UBE2E2: variants seen among roughly 807,000 people sequenced by gnomAD.
UBE2E2 encodes the protein ubiquitin-conjugating enzyme E2 E2.
A neutral mutation model predicts 24.7 loss-of-function variants in UBE2E2; 6 were observed. The ratio of observed to expected loss-of-function variants is 0.24; its 90% CI spans 0.13 to 0.48. UBE2E2 has a LOEUF of 0.48. UBE2E2 is among the 20% of genes least tolerant of loss of function. The pLI is 0.99. For missense variants in UBE2E2, 169 were observed against 245.0 expected (o/e 0.69, Z 2.07); for synonymous variants, 104 against 83.6 (o/e 1.24, Z -1.33).
At chr3:23,547,104 T>G (rs1340898552) in intron 5 of UBE2E2, among the ~76,000 whole-genome samples, 5 of 152,346 alleles carry the variant, frequency 3.3e-5, no homozygotes, top group Admixed American at 1.3e-4. Flanking sequence ...TTGCTTATGG[T>G]AGGATCAAGG....
chr3:23,589,971 TC>T lies in UBE2E2; in HGVS notation c.*142del. The T allele has an allele frequency of 1.4e-6, 1 of 700,440 alleles. No homozygotes were observed. The highest frequency in any genetic ancestry group is 2.4e-6 in the Non-Finnish European group (1 of 425,088). 43.4% of individuals were successfully genotyped at this position (700,440 alleles called of 1,614,324 possible). On this transcript the variant is annotated 3_prime_UTR_variant, in exon 6 of 6. Coordinates refer to ENST00000396703, the MANE Select transcript of UBE2E2 (RefSeq NM_152653.4). The surrounding 1 kb of genome is among the most constrained non-coding windows in gnomAD (Gnocchi z 4.1). ...GGAACCATTTTGTGATGGTATGTTG[TC>T]CATCTTCCCATCCCAGTTCTTCCTG...
chr3:23,294,798 A>G (rs1027069960), intron 3 of UBE2E2, among the ~76,000 whole-genome samples: 1 of 149,684 alleles, frequency 6.7e-6, no homozygotes, highest in Non-Finnish European at 1.5e-5. Context: ...TCTTTAGATT[A>G]TTTGTATCTT....
At chr3:23,472,452 A>G (rs1485485558) in intron 3 of UBE2E2, among the ~76,000 whole-genome samples, 2 of 152,192 alleles carry the variant, frequency 1.3e-5, no homozygotes, top group African/African-American at 4.8e-5. Flanking sequence ...AATACAAGGT[A>G]CTTCCAAGCA....
At chr3:23,275,802 A>C (rs529091663) in intron 3 of UBE2E2, among the ~76,000 whole-genome samples, 2 of 152,094 alleles carry the variant, frequency 1.3e-5, no homozygotes, top group Admixed American at 6.5e-5. Flanking sequence ...AGAACACCCA[A>C]CTTTTTTTTT....
intron 3 of UBE2E2, among the ~76,000 whole-genome samples, chr3:23,375,475 AT>A (rs1696498419): frequency 6.6e-6 from 1 of 152,186 alleles, no homozygotes; most frequent in South Asian, 2.1e-4. Context: ...CAATGAATTT[AT>A]AATCTGGCGA....
chr3:23,229,127 A>C (rs1696907461), intron 3 of UBE2E2, among the ~76,000 whole-genome samples: 1 of 152,210 alleles, frequency 6.6e-6, no homozygotes, highest in Non-Finnish European at 1.5e-5. Flanking sequence ...GGTAGCATTC[A>C]GTTCAGTATA....
At chr3:23,321,336 G>T (rs573063499) in intron 3 of UBE2E2, among the ~76,000 whole-genome samples, 10 of 152,232 alleles carry the variant, frequency 6.6e-5, no homozygotes, top group Non-Finnish European at 1.5e-5. Context: ...GATCTACCCT[G>T]CAGAGCAGGA....
At chr3:23,382,995 A>G (rs760694420) in intron 3 of UBE2E2, among the ~76,000 whole-genome samples, 22 of 152,212 alleles carry the variant, frequency 1.4e-4, no homozygotes, top group Non-Finnish European at 3.1e-4. Context: ...ACTGAAGTCT[A>G]AGAAGAGTAG....
intron 3 of UBE2E2, among the ~76,000 whole-genome samples, chr3:23,368,670 T>A (rs1696322237): frequency 6.6e-6 from 1 of 152,226 alleles, no homozygotes; most frequent in South Asian, 2.1e-4. Flanking sequence ...TAAAAATTAT[T>A]TTTTCCTTTT....
intron 3 of UBE2E2, among the ~76,000 whole-genome samples, chr3:23,318,017 C>T (rs759172995): frequency 2.0e-5 from 3 of 151,882 alleles, no homozygotes; most frequent in Non-Finnish European, 4.4e-5. Context: ...TCTATTTGGC[C>T]ATCTTGTTCT....
chr3:23,386,093 A>G (rs1242326399), intron 3 of UBE2E2, among the ~76,000 whole-genome samples: 1 of 152,078 alleles, frequency 6.6e-6, no homozygotes, highest in Non-Finnish European at 1.5e-5. Context: ...ACTATTTCAT[A>G]TAAGTAGTTG....
chr3:23,371,725 A>G (rs1204709189), intron 3 of UBE2E2, among the ~76,000 whole-genome samples: 1 of 152,212 alleles, frequency 6.6e-6, no homozygotes, highest in Admixed American at 6.5e-5. Context: ...CTGAATAATA[A>G]TAGAGATAGT....
chr3:23,570,026 G>C (rs1696185962), intron 5 of UBE2E2, among the ~76,000 whole-genome samples: 1 of 152,054 alleles, frequency 6.6e-6, no homozygotes, highest in Non-Finnish European at 1.5e-5. Context: ...ACTCACTACT[G>C]CGGGTCACTT....
intron 3 of UBE2E2, among the ~76,000 whole-genome samples, chr3:23,291,849 A>ATT (rs57708620): frequency 0.014 from 908 of 64,020 alleles, 150 homozygotes; most frequent in African/African-American, 0.048. Flanking sequence ...TGCCCGGCTA[A>ATT]TTTTTTTTTT....
At chr3:23,306,222 TC>T (rs545712136) in intron 3 of UBE2E2, among the ~76,000 whole-genome samples, 2 of 152,226 alleles carry the variant, frequency 1.3e-5, no homozygotes, top group South Asian at 4.1e-4. Flanking sequence ...GCATTCTAAG[TC>T]TATTCTGTTA....
intron 3 of UBE2E2, among the ~76,000 whole-genome samples, chr3:23,333,087 G>C (rs1386380608): frequency 2.0e-5 from 3 of 152,062 alleles, no homozygotes; most frequent in Non-Finnish European, 4.4e-5. Flanking sequence ...TATTGGTTCT[G>C]TTCTTTAATA....
At chr3:23,323,151 T>A (rs1243925146) in intron 3 of UBE2E2, among the ~76,000 whole-genome samples, 1 of 152,144 alleles carries the variant, frequency 6.6e-6, no homozygotes, top group East Asian at 1.9e-4. Flanking sequence ...AGAAGCTGTC[T>A]ATATGTTATT....
At chr3:23,300,361 G>A (rs1272309556) in intron 3 of UBE2E2, among the ~76,000 whole-genome samples, 3 of 152,166 alleles carry the variant, frequency 2.0e-5, no homozygotes, top group Non-Finnish European at 4.4e-5. Context: ...GATAGTTGAT[G>A]CAGTTTCTTC....
intron 3 of UBE2E2, among the ~76,000 whole-genome samples, chr3:23,312,885 T>C (rs903705892): frequency 2.0e-5 from 3 of 152,202 alleles, no homozygotes; most frequent in African/African-American, 7.2e-5. Flanking sequence ...TTAATTTCCA[T>C]GTGTTTATAT....
Sources: allele counts gnomAD v4.1 joint callset (sites outside exome capture counted in the v4.1 genomes callset), GRCh38; gene constraint gnomAD v4.1.1; non-coding constraint Gnocchi (gnomAD v3.1); transcripts MANE v1.5; gene names NCBI Gene and HGNC (gene_info 2026-07-23, HGNC 2026-07-21).